The following GPAT3 variants were observed in gnomAD, a reference collection of about 807,000 sequenced individuals.
GPAT3 encodes the protein 1-AGP acyltransferase 9.
A neutral mutation model predicts 58.8 loss-of-function variants in GPAT3; 53 were observed. That is an observed-to-expected ratio of 0.90 (90% confidence interval 0.72 to 1.13). GPAT3 has a LOEUF of 1.13. GPAT3 is among the 50% of genes most tolerant of loss of function. The pLI, the probability that GPAT3 is intolerant of heterozygous loss-of-function variation, is 0.00. For synonymous variants in GPAT3, 197 were observed against 187.4 expected, an observed-to-expected ratio of 1.05 and a Z score of -0.42; for missense variants, 511 against 527.6, an observed-to-expected ratio of 0.97 and a Z score of 0.31.
chr4:83,574,245 C>T (rs1725704682), intron 2 of GPAT3, among the ~76,000 whole-genome samples: 1 of 151,504 alleles, frequency 6.6e-6, no homozygotes, highest in South Asian at 2.1e-4. Flanking sequence ...TGCAGTAGAC[C>T]CTGATTTTCT....
chr4:83,536,320 TACCCGCAGCTCCGACC>T lies in GPAT3; in HGVS notation c.-300_-285del. ...GCCCGCGCCGCGGTGTGCCTCCGCTTACCCGCAGCTCCGACCACTGGCTCGCGCTACCCAGGTCTCC... is the reference window on the plus strand; with the variant it reads ...GCCCGCGCCGCGGTGTGCCTCCGCTTACTGGCTCGCGCTACCCAGGTCTCC... On this transcript the variant is annotated 5_prime_UTR_variant, in exon 1 of 12. Coordinates refer to ENST00000264409, the MANE Select transcript of GPAT3 (RefSeq NM_032717.5). 1 of 1,108,718 alleles carries T rather than the reference TACCCGCAGCTCCGACC, an allele frequency of 9.0e-7. No homozygotes were observed. The highest frequency in any genetic ancestry group is 1.1e-6 in the Non-Finnish European group (1 of 909,436). The allele number at this position is 1,108,718 out of a possible 1,614,324, so 68.7% of individuals were successfully genotyped here. A position where few individuals can be genotyped will look rare whatever the true frequency, so the allele number is the denominator to read the frequency against.
intron 11 of GPAT3, among the ~76,000 whole-genome samples, chr4:83,602,491 T>A (rs1004235773): frequency 3.3e-5 from 5 of 152,226 alleles, no homozygotes; most frequent in Admixed American, 3.3e-4. Context: ...TGTTTTTTCA[T>A]AGATTGAGTG....
chr4:83,565,021 T>C (rs1048549269), intron 2 of GPAT3, among the ~76,000 whole-genome samples: 1 of 151,888 alleles, frequency 6.6e-6, no homozygotes, highest in South Asian at 2.1e-4. Flanking sequence ...CGCAACACTC[T>C]GTGAAAAAAA....
At chr4:83,596,549 G>C (rs967902960) in intron 7 of GPAT3, among the ~76,000 whole-genome samples, 1 of 151,988 alleles carries the variant, frequency 6.6e-6, no homozygotes, top group Non-Finnish European at 1.5e-5. Context: ...TTGAGCTCAG[G>C]GTGTGGAGGC....
intron 2 of GPAT3, among the ~76,000 whole-genome samples, chr4:83,561,418 G>T (rs1399438058): frequency 6.6e-6 from 1 of 151,950 alleles, no homozygotes; most frequent in Admixed American, 6.6e-5. Flanking sequence ...TATTAAGTTG[G>T]TATCTGTCAG....
intron 7 of GPAT3, among the ~76,000 whole-genome samples, chr4:83,596,517 G>T (rs1047272964): frequency 1.3e-5 from 2 of 152,074 alleles, no homozygotes; most frequent in African/African-American, 4.8e-5. Context: ...AGCTACTTGG[G>T]AGGCTGAGGA....
rs114979118 is a variant in GPAT3, at chr4:83,584,488, A to C, written c.479+2656A>C. 5.3e-3 allele frequency among the ~76,000 whole-genome samples: 809 copies of C among 152,322 alleles called. 7 individuals are homozygous for C. The highest frequency in any genetic ancestry group is 0.018 in the African/African-American group (739 of 41,572). On this transcript the variant is annotated intron_variant, in intron 3 of 11. Coordinates refer to ENST00000264409, the MANE Select transcript of GPAT3 (RefSeq NM_032717.5). ...ATGGTTGCACAACTCTGTGAATATG[A>C]CAGAAACTACTGAATTGCATACTTT...
intron 6 of GPAT3, among the ~76,000 whole-genome samples, chr4:83,593,499 G>C (rs1208379040): frequency 6.6e-6 from 1 of 152,004 alleles, no homozygotes; most frequent in East Asian, 1.9e-4. Context: ...ATTTACATTG[G>C]AAATCTGAAT....
chr4:83,539,672 A>G (rs1394550852), intron 1 of GPAT3, among the ~76,000 whole-genome samples: 5 of 152,172 alleles, frequency 3.3e-5, no homozygotes, highest in Non-Finnish European at 7.3e-5. Flanking sequence ...ATTGCTGGGT[A>G]TCTCTAGATG....
chr4:83,536,561 C>T lies in GPAT3; in HGVS notation c.-62C>T. On this transcript the variant is annotated 5_prime_UTR_variant, in exon 1 of 12. Coordinates refer to ENST00000264409, the MANE Select transcript of GPAT3 (RefSeq NM_032717.5). ...GAGCTCCCGCGGGACTGCCTGGGGACAGGGACTGCTGTGGCGCTCGGCCCT... is the reference window on the plus strand; with the variant it reads ...GAGCTCCCGCGGGACTGCCTGGGGATAGGGACTGCTGTGGCGCTCGGCCCT... 6.4e-7 allele frequency: 1 copy of T among 1,572,636 alleles called. No individual in the cohort carries two copies. The highest frequency in any genetic ancestry group is 2.3e-5 in the East Asian group (1 of 44,152).
chr4:83,578,406 T>A (rs1409778397), intron 2 of GPAT3, among the ~76,000 whole-genome samples: 1 of 152,144 alleles, frequency 6.6e-6, no homozygotes, highest in African/African-American at 2.4e-5. Context: ...ATAAACTAGG[T>A]AAGAAGGCAG....
intron 6 of GPAT3, among the ~76,000 whole-genome samples, chr4:83,592,541 G>T (rs1236833613): frequency 6.6e-6 from 1 of 152,174 alleles, no homozygotes; most frequent in Non-Finnish European, 1.5e-5. Context: ...TGTTTTGATA[G>T]ATGTATACAT....
At chr4:83,545,739 T>G (rs1724483233) in intron 2 of GPAT3, among the ~76,000 whole-genome samples, 1 of 152,202 alleles carries the variant, frequency 6.6e-6, no homozygotes, top group Non-Finnish European at 1.5e-5. Context: ...GCCAGATACC[T>G]TCTCTGAAAT....
At chr4:83,541,363 G>A (rs1248604551) in intron 1 of GPAT3, among the ~76,000 whole-genome samples, 2 of 149,174 alleles carry the variant, frequency 1.3e-5, no homozygotes, top group Admixed American at 6.7e-5. Context: ...GCCCACAGAC[G>A]TGTACCACCA....
intron 1 of GPAT3, 53 bp downstream of exon 1, chr4:83,536,816 C>T: frequency 1.3e-6 from 2 of 1,535,196 alleles, no homozygotes; most frequent in African/African-American, 1.4e-5. Flanking sequence ...GCTGAGAACC[C>T]GGGGGTCCAG....
chr4:83,594,875 A>C lies in GPAT3; in HGVS notation c.769A>C (p.Ile257Leu). 1 of 1,613,918 alleles carries C rather than the reference A, an allele frequency of 6.2e-7. No individual in the cohort carries two copies. Among genetic ancestry groups the C allele is most frequent in the South Asian group, 1.1e-5 (1 of 91,068 alleles). ...VGQVHGGLMG[I>L]IQRAMVKACP... Reference sequence around the variant, plus strand: ...CCAGGTTCATGGCGGCTTGATGGGAATTATTCAGAGAGCTATGGTCAAGGC... The same window carrying C: ...CCAGGTTCATGGCGGCTTGATGGGACTTATTCAGAGAGCTATGGTCAAGGC... Residue 257 changes from isoleucine (I) to leucine (L), a missense_variant, in exon 7 of 12, where the codon ATT becomes CTT. Ile to Leu is a conservative substitution (Grantham distance 5, BLOSUM62 2). Coordinates refer to ENST00000264409, the MANE Select transcript of GPAT3 (RefSeq NM_032717.5).
In GPAT3 at chr4:83,536,161, C is replaced by T. The variant is rs773658308; in HGVS notation, c.-462C>T. 9 of 985,884 alleles carry T rather than the reference C, an allele frequency of 9.1e-6. No individual in the cohort carries two copies. The highest frequency in any genetic ancestry group is 1.1e-4 in the East Asian group (1 of 8,806). The allele number at this position is 985,884 out of a possible 1,614,324, so 61.1% of individuals were successfully genotyped here. A position where few individuals can be genotyped will look rare whatever the true frequency, so the allele number is the denominator to read the frequency against. Reference sequence around the variant, plus strand: ...CCAGCTCCGCCGGCGACCGGTGTGCCAAAGTGCGGTGCTCCCGCAGGGAAC... The same window carrying T: ...CCAGCTCCGCCGGCGACCGGTGTGCTAAAGTGCGGTGCTCCCGCAGGGAAC... On this transcript the variant is annotated 5_prime_UTR_variant, in exon 1 of 12. Coordinates refer to ENST00000264409, the MANE Select transcript of GPAT3 (RefSeq NM_032717.5).
chr4:83,581,850 T>G lies in GPAT3; in HGVS notation c.479+18T>G. On this transcript the variant is annotated intron_variant, in intron 3 of 11. Transcript: ENST00000264409. ...CCTCTGAGGTAAGTCATATGCCTGG[T>G]AATTTGATGATACGCTTGACTCAGC... The G allele has an allele frequency of 6.3e-7, 1 of 1,589,804 alleles. No individual in the cohort carries two copies. Among genetic ancestry groups the G allele is most frequent in the Non-Finnish European group, 8.6e-7 (1 of 1,165,094 alleles).
At position 83,562,179 on chromosome 4, in the gene GPAT3, TTATA is replaced by T. The variant is rs138405336; in HGVS notation, c.208+17594_208+17597del. Reference sequence around the variant, plus strand: ...AACTGATTTCTAGTTATTTTATATATTATATATATATATATATATAATATATATA... The same window carrying T: ...AACTGATTTCTAGTTATTTTATATATTATATATATATATATAATATATATA... On this transcript the variant is annotated intron_variant, in intron 2 of 11. Transcript: ENST00000264409. 1.6e-3 allele frequency among the ~76,000 whole-genome samples: 138 copies of T among 86,116 alleles called. 1 individual carries two copies. The highest frequency in any genetic ancestry group is 6.7e-3 in the African/African-American group (119 of 17,882). 56.5% of individuals were successfully genotyped at this position (86,116 alleles called of 152,430 possible). A position where few individuals can be genotyped will look rare whatever the true frequency, so the allele number is the denominator to read the frequency against.
Sources: gnomAD v4.1 joint callset for allele counts (sites outside exome capture counted in the v4.1 genomes callset) on GRCh38, gnomAD v4.1.1 for gene constraint, MANE v1.5 for transcripts, NCBI Gene and HGNC (gene_info 2026-07-23, HGNC 2026-07-21) for gene names.